Variants in PSMD4 observed in about 807,000 individuals in gnomAD.
The protein encoded by PSMD4 is 26S proteasome non-ATPase regulatory subunit 4.
Under a neutral mutation model 39.7 loss-of-function variants are expected in PSMD4, and 5 were observed. That is an observed-to-expected ratio of 0.13 (90% CI 0.07 to 0.26). PSMD4 has a LOEUF of 0.26. Among genes scored for constraint, PSMD4 ranks in the 10% least tolerant of loss-of-function variants. PSMD4 has a pLI of 1.00. For missense variants in PSMD4, 272 were observed against 486.1 expected (o/e 0.56, Z 4.14); for synonymous variants, 143 against 174.6 (o/e 0.82, Z 1.43).
At chr1:151,266,264 G>T (rs1693447047) in intron 7 of PSMD4, 44 bp from the exon 8 acceptor site, 1 of 1,612,932 alleles carries the variant, frequency 6.2e-7, no homozygotes, top group Non-Finnish European at 8.5e-7. Flanking sequence ...GGCCTGTGTG[G>T]ATATGGCACC....
At position 151,256,939 on chromosome 1, in the gene PSMD4, A is replaced by G. The variant is rs139929141; in HGVS notation, c.26+2131A>G. On this transcript the variant is annotated intron_variant, in intron 1 of 9. Coordinates refer to ENST00000368884, the MANE Select transcript of PSMD4 (RefSeq NM_002810.4). ...TAATTTTGTGTTTTTAGTAGAGACC[A>G]GGTTTCTCCATGTTGGTCAGGCTGG... 4.7e-3 allele frequency among the ~76,000 whole-genome samples: 689 copies of G among 146,922 alleles called. 7 individuals are homozygous for G. The highest frequency in any genetic ancestry group is 0.017 in the African/African-American group (654 of 39,532).
intron 4 of PSMD4, 56 bp from the exon 5 acceptor site, chr1:151,265,110 C>CT: frequency 1.4e-6 from 2 of 1,429,696 alleles, no homozygotes; most frequent in Admixed American, 4.4e-5. Flanking sequence ...GCGGCGGGTC[C>CT]TTTCCCCCCC....
intron 1 of PSMD4, among the ~76,000 whole-genome samples, chr1:151,260,210 A>G (rs1397705224): frequency 6.6e-6 from 1 of 152,120 alleles, no homozygotes; most frequent in Admixed American, 6.6e-5. Flanking sequence ...AAAAAAAAAA[A>G]AAAGAAAGAA....
chr1:151,258,277 C>T (rs1461680050), intron 1 of PSMD4, among the ~76,000 whole-genome samples: 2 of 152,000 alleles, frequency 1.3e-5, no homozygotes, highest in Non-Finnish European at 2.9e-5. Context: ...ATCCACCAGC[C>T]TCAGCCTCCC....
chr1:151,263,104 T>G (rs1341851237), intron 2 of PSMD4, among the ~76,000 whole-genome samples: 2 of 152,162 alleles, frequency 1.3e-5, no homozygotes, highest in Non-Finnish European at 2.9e-5. Context: ...GAGGGCAGCT[T>G]TCTTACAAAG....
At chr1:151,264,595 A>T (rs1404348434) in intron 3 of PSMD4, among the ~76,000 whole-genome samples, 1 of 151,456 alleles carries the variant, frequency 6.6e-6, no homozygotes. Context: ...TGGGCGACAG[A>T]GCGAGACTCC....
chr1:151,255,683 GATAAC>G (rs1231057038), intron 1 of PSMD4, among the ~76,000 whole-genome samples: 1 of 151,924 alleles, frequency 6.6e-6, no homozygotes, highest in East Asian at 1.9e-4. Context: ...AGCATTGCCA[GATAAC>G]ATACAGGATG....
intron 6 of PSMD4, 67 bp from the exon 7 acceptor site, chr1:151,265,937 C>T: frequency 6.6e-7 from 1 of 1,504,154 alleles, no homozygotes; most frequent in South Asian, 1.4e-5. Context: ...CACACCCCAA[C>T]TGACTTTCCC....
intron 2 of PSMD4, chr1:151,262,913 G>A (rs1272777454): frequency 6.5e-6 from 1 of 153,346 alleles, no homozygotes; most frequent in Non-Finnish European, 1.5e-5. Flanking sequence ...AAAGTGTTTT[G>A]TTTTAGGAAC....
rs1489058107 is a variant in PSMD4, at chr1:151,254,761, C to T, written c.-22C>T. ...TGTTAGGCCGTCCCGGAGACCCGGT[C>T]GGGAGGGAGGAAGGTGGCAAGATGG... On this transcript the variant is annotated 5_prime_UTR_variant, in exon 1 of 10. Coordinates refer to ENST00000368884, the MANE Select transcript of PSMD4 (RefSeq NM_002810.4). 1 of 1,555,506 alleles carries T rather than the reference C, an allele frequency of 6.4e-7. No individual in the cohort carries two copies. Among genetic ancestry groups the T allele is most frequent in the East Asian group, 2.5e-5 (1 of 40,200 alleles).
At chr1:151,265,729 C>A in intron 6 of PSMD4, 120 bp downstream of exon 6, 1 of 1,155,556 alleles carries the variant, frequency 8.7e-7, no homozygotes, top group Non-Finnish European at 1.2e-6. Context: ...ACTCATTTTC[C>A]AAGACCTCCT....
Position 151,261,185 on chromosome 1 carries a change from T to C in PSMD4, c.27-976T>C, listed in dbSNP as rs1304684298. Among the ~76,000 whole-genome samples the C allele has an allele frequency of 1.2e-4, 17 of 147,778 alleles. No individual in the cohort carries two copies. The South Asian group carries it at 2.1e-3, about 19-fold the overall frequency. On this transcript the variant is annotated intron_variant, in intron 1 of 9. Coordinates refer to ENST00000368884, the MANE Select transcript of PSMD4 (RefSeq NM_002810.4). Reference sequence around the variant, plus strand: ...TAGATTTTTTTTTTCTTTTTCTTTTTTTTTTTTTTTTTTTGAGACGAAGTT... The same window carrying C: ...TAGATTTTTTTTTTCTTTTTCTTTTCTTTTTTTTTTTTTTGAGACGAAGTT...
At chr1:151,256,072 C>CG (rs57346483) in intron 1 of PSMD4, among the ~76,000 whole-genome samples, 101,772 of 151,330 alleles carry the variant, frequency 0.67, 34,444 homozygotes, top group Non-Finnish European at 0.71. Flanking sequence ...CTGGCTGGGG[C>CG]GTGGCTCAGG....
intron 6 of PSMD4, 41 bp downstream of exon 6, chr1:151,265,650 CTT>C (rs768585769): frequency 3.7e-5 from 59 of 1,580,950 alleles, no homozygotes; most frequent in African/African-American, 5.4e-5. Flanking sequence ...AAAGGTCCCT[CTT>C]TGTTCTCTTC....
At position 151,257,697 on chromosome 1, in the gene PSMD4, G is replaced by A. The variant is rs587650113; in HGVS notation, c.26+2889G>A. ...TGAGTAGCTGGGATTCCAGGCACCC[G>A]CCACCATACCTGGCTTTCTTTTTTT... On this transcript the variant is annotated intron_variant, in intron 1 of 9. Coordinates refer to ENST00000368884, the MANE Select transcript of PSMD4 (RefSeq NM_002810.4). Among the ~76,000 whole-genome samples, 6 of 145,114 alleles carry A rather than the reference G, an allele frequency of 4.1e-5. No individual in the cohort carries two copies. In the South Asian group the frequency reaches 1.1e-3, roughly 27 times the overall value.
intron 1 of PSMD4, among the ~76,000 whole-genome samples, chr1:151,255,620 G>T (rs1046339714): frequency 6.6e-6 from 1 of 152,044 alleles, no homozygotes; most frequent in Non-Finnish European, 1.5e-5. Flanking sequence ...ATCACCGATT[G>T]GGTGAAACAG....
In PSMD4 at chr1:151,267,405, G is replaced by T; in HGVS notation, c.*62G>T. 1 of 1,546,950 alleles carries T rather than the reference G, an allele frequency of 6.5e-7. No homozygotes were observed. The highest frequency in any genetic ancestry group is 8.8e-7 in the Non-Finnish European group (1 of 1,133,534). ...ACTGCATGGGAAGCACGGAATATAG[G>T]GTTAGATGTGTGTTATCTGTAACCA... On this transcript the variant is annotated 3_prime_UTR_variant, in exon 10 of 10. Coordinates refer to ENST00000368884, the MANE Select transcript of PSMD4 (RefSeq NM_002810.4).
At position 151,266,578 on chromosome 1, in the gene PSMD4, G is replaced by A; in HGVS notation, c.954G>A (p.Glu318=). The A allele has an allele frequency of 6.2e-7, 1 of 1,614,140 alleles. No individual in the cohort carries two copies. Among genetic ancestry groups the A allele is most frequent in the Middle Eastern group, 1.6e-4 (1 of 6,062 alleles). The change falls in exon 9 of 10, where the codon GAG becomes GAA. Residue 318 remains glutamate, a synonymous_variant. Transcript: ENST00000368884. ...IDASSAMDTS[E]PAKEEDDYDV... is the part of the protein sequence containing the mutation. ...CCAGCTCAGCTATGGACACATCTGA[G>A]CCAGCCAAGGTGAGACCCAACCCTG...
intron 1 of PSMD4, among the ~76,000 whole-genome samples, chr1:151,259,912 A>G (rs1693275797): frequency 6.6e-6 from 1 of 151,830 alleles, no homozygotes; most frequent in African/African-American, 2.4e-5. Flanking sequence ...AAAAGAAGAA[A>G]TGAGGGCCAA....
Sources: gnomAD v4.1 joint callset for allele counts (sites outside exome capture counted in the v4.1 genomes callset) on GRCh38, gnomAD v4.1.1 for gene constraint, MANE v1.5 for transcripts, NCBI Gene and HGNC (gene_info 2026-07-23, HGNC 2026-07-21) for gene names.